The following PTPRT variants were observed in gnomAD, a reference collection of about 807,000 sequenced individuals.
PTPRT encodes receptor-type tyrosine-protein phosphatase T.
A neutral mutation model predicts 176.8 loss-of-function variants in PTPRT; 56 were observed. The observed-to-expected ratio is 0.32, with a 90% CI of 0.26 to 0.40. The LOEUF is 0.40. Among genes scored for constraint, PTPRT ranks in the 10% least tolerant of loss-of-function variants. The pLI is 1.00. For synonymous variants in PTPRT, 783 were observed against 739.0 expected (o/e 1.06, Z -0.96); for missense variants, 1,540 against 1,908.2 (o/e 0.81, Z 3.60).
At chr20:42,712,529 G>T (rs2076160146) in intron 6 of PTPRT, among the ~76,000 whole-genome samples, 1 of 152,166 alleles carries the variant, frequency 6.6e-6, no homozygotes, top group Admixed American at 6.5e-5. Flanking sequence ...AGGATACCCA[G>T]ATTCACGACC....
At chr20:42,790,598 T>G (rs1398176385) in intron 3 of PTPRT, among the ~76,000 whole-genome samples, 2 of 152,290 alleles carry the variant, frequency 1.3e-5, no homozygotes, top group East Asian at 3.9e-4. Context: ...GCAATGTACC[T>G]TAAACAACTT....
At position 42,286,552 on chromosome 20, in the gene PTPRT, C is replaced by T. The variant is rs183194891; in HGVS notation, c.2140-4027G>A. Among the ~76,000 whole-genome samples the T allele has an allele frequency of 6.5e-3, 985 of 151,704 alleles. 4 individuals are homozygous for T. Among genetic ancestry groups the T allele is most frequent in the Non-Finnish European group, 0.011 (712 of 67,798 alleles). On this transcript the variant is annotated intron_variant, in intron 12 of 30. Coordinates refer to ENST00000373187, the MANE Select transcript of PTPRT (RefSeq NM_007050.6). ...CATATTCAGAAGAACGAAACTAGAC[C>T]GCCACCTCTCACCCTATACAAAAAT... is the stretch of plus-strand genomic sequence containing the variant.
At chr20:42,837,929 A>G (rs768521645) in intron 2 of PTPRT, among the ~76,000 whole-genome samples, 4 of 152,150 alleles carry the variant, frequency 2.6e-5, no homozygotes, top group Admixed American at 6.5e-5. Flanking sequence ...CCCTAGACAG[A>G]TATCCATCTG....
At chr20:43,074,227 C>A (rs1402464417) in intron 1 of PTPRT, among the ~76,000 whole-genome samples, 1 of 152,164 alleles carries the variant, frequency 6.6e-6, no homozygotes, top group Admixed American at 6.5e-5. Flanking sequence ...TTAACCAATT[C>A]TTTTAATAAA....
chr20:42,062,487 T>TAGAGGGATGTCTCTGC, the PTPRT span, among the ~76,000 whole-genome samples: 3 of 152,204 alleles, frequency 2.0e-5, no homozygotes, highest in Non-Finnish European at 4.4e-5. Context: ...GCAGGATGTG[T>TAGAGGGATGTCTCTGC]AGAGGGATGT....
chr20:42,977,549 C>A (rs1216266518), intron 1 of PTPRT, among the ~76,000 whole-genome samples: 1 of 151,944 alleles, frequency 6.6e-6, no homozygotes, highest in Non-Finnish European at 1.5e-5. Flanking sequence ...ATCTACCACC[C>A]AGAGACAAGA....
At chr20:42,713,972 A>G (rs574487451) in intron 6 of PTPRT, among the ~76,000 whole-genome samples, 2 of 152,348 alleles carry the variant, frequency 1.3e-5, no homozygotes, top group East Asian at 1.9e-4. Context: ...CCATGAGCCA[A>G]TTAAATCTCT....
chr20:43,093,181 A>T (rs990398119), intron 1 of PTPRT, among the ~76,000 whole-genome samples: 2 of 152,218 alleles, frequency 1.3e-5, no homozygotes, highest in Non-Finnish European at 2.9e-5. Context: ...TGTATCGAGG[A>T]GGAGAGATTG....
chr20:42,441,605 GGGGTGGGCA>G (rs895111873), intron 9 of PTPRT, among the ~76,000 whole-genome samples: 5 of 152,154 alleles, frequency 3.3e-5, no homozygotes, highest in Non-Finnish European at 4.4e-5. Context: ...AGTGTGGAAG[GGGGTGGGCA>G]GGGAGGAACT....
intron 3 of PTPRT, among the ~76,000 whole-genome samples, chr20:42,781,137 C>G (rs1398025134): frequency 6.6e-6 from 1 of 152,090 alleles, no homozygotes. Context: ...CACGTGGTAG[C>G]CTGGACCTCT....
intron 1 of PTPRT, among the ~76,000 whole-genome samples, chr20:42,909,873 C>CA (rs2079523351): frequency 6.6e-6 from 1 of 152,174 alleles, no homozygotes; most frequent in Non-Finnish European, 1.5e-5. Flanking sequence ...CTGCTATTGT[C>CA]GACAGCTCTA....
chr20:42,286,268 C>A (rs1430629917), intron 12 of PTPRT, among the ~76,000 whole-genome samples: 2 of 151,780 alleles, frequency 1.3e-5, no homozygotes, highest in African/African-American at 4.8e-5. Flanking sequence ...CCGCAAATAG[C>A]CAAAACAGTC....
At chr20:42,304,733 A>T (rs1568756831) in intron 12 of PTPRT, among the ~76,000 whole-genome samples, 1 of 152,238 alleles carries the variant, frequency 6.6e-6, no homozygotes. Context: ...TTTATATTTT[A>T]ACCTCAGATT....
At chr20:42,300,461 G>T (rs2057448975) in intron 12 of PTPRT, among the ~76,000 whole-genome samples, 1 of 151,908 alleles carries the variant, frequency 6.6e-6, no homozygotes, top group East Asian at 1.9e-4. Context: ...CTGTCAGAAA[G>T]AAAATAAGTT....
At chr20:42,771,031 TC>T (rs1432872029) in intron 5 of PTPRT, among the ~76,000 whole-genome samples, 7 of 152,210 alleles carry the variant, frequency 4.6e-5, no homozygotes, top group African/African-American at 7.2e-5. Context: ...CACACTTTCT[TC>T]CCTTATCAAG....
At position 42,694,329 on chromosome 20, in the gene PTPRT, T is replaced by A. The variant is rs1313179167; in HGVS notation, c.860-16170A>T. ...CTGGGATTACAGGCATGAGCCACTA[T>A]GCCCGGCCTAGTCCAAGTTTTTGTG... On this transcript the variant is annotated intron_variant, in intron 6 of 30. Transcript: ENST00000373187. 2.0e-5 allele frequency among the ~76,000 whole-genome samples: 3 copies of A among 152,310 alleles called. No homozygotes were observed. The East Asian group carries it at 5.8e-4, about 29-fold the overall frequency.
intron 7 of PTPRT, among the ~76,000 whole-genome samples, chr20:42,656,513 C>T (rs1038774648): frequency 5.3e-5 from 8 of 152,140 alleles, no homozygotes. Flanking sequence ...AGAATGTCAA[C>T]TCATAATAGC....
chr20:42,746,833 C>CA (rs1264106016), intron 6 of PTPRT, among the ~76,000 whole-genome samples: 1 of 152,022 alleles, frequency 6.6e-6, no homozygotes, highest in Non-Finnish European at 1.5e-5. Flanking sequence ...AAGTCTACCA[C>CA]AAAAAAACTT....
At chr20:42,481,008 A>T (rs1054561672) in intron 7 of PTPRT, among the ~76,000 whole-genome samples, 17 of 151,822 alleles carry the variant, frequency 1.1e-4, no homozygotes, top group Non-Finnish European at 1.2e-4. Context: ...ACAATACTCT[A>T]AGGCAGAAGT....
Sources: gnomAD v4.1 joint callset for allele counts (sites outside exome capture counted in the v4.1 genomes callset) on GRCh38, gnomAD v4.1.1 for gene constraint, MANE v1.5 for transcripts, NCBI Gene and HGNC (gene_info 2026-07-23, HGNC 2026-07-21) for gene names.